ATN1: variants seen among roughly 807,000 people sequenced by gnomAD.
The protein encoded by ATN1 is atrophin-1.
A neutral mutation model predicts 85.8 loss-of-function variants in ATN1; 19 were observed. The observed-to-expected ratio is 0.22, with a 90% confidence interval of 0.15 to 0.32. ATN1 has a LOEUF of 0.32. ATN1 is among the 10% of genes least tolerant of loss of function. ATN1 has a pLI of 1.00. For synonymous variants in ATN1, 674 were observed against 657.0 expected (o/e 1.03, Z -0.39); for missense variants, 1,453 against 1,564.5 (o/e 0.93, Z 1.20).
rs1297715782 is a variant in ATN1, at chr12:6,934,813, T to G, written c.279+235T>G. The stretch of plus-strand genomic sequence containing the variant: ...CCAGAAGAGTTGGGGGATTCTAGTC[T>G]CTGGGTGAGAAGTCTTAGTCGGAGG... On this transcript the variant is annotated intron_variant, in intron 4 of 9. Transcript: ENST00000396684. This position sits in a 1 kb window ranked among gnomAD's most constrained non-coding sequence, Gnocchi z 4.5. 1.3e-5 allele frequency among the ~76,000 whole-genome samples: 2 copies of G among 152,214 alleles called. No individual in the cohort carries two copies. Among genetic ancestry groups the G allele is most frequent in the Non-Finnish European group, 2.9e-5 (2 of 68,036 alleles).
chr12:6,941,798 G>A lies in ATN1; in HGVS notation c.*18G>A, dbSNP rs782816055. ...CACTGTAGAACCTGCGATCAAGAGAGCACCATGGCTCCTACATTGGACCTT... is the reference window on the plus strand; with the variant it reads ...CACTGTAGAACCTGCGATCAAGAGAACACCATGGCTCCTACATTGGACCTT... On this transcript the variant is annotated 3_prime_UTR_variant, in exon 10 of 10. Transcript: ENST00000396684. The surrounding 1 kb of genome is among the most constrained non-coding windows in gnomAD (Gnocchi z 5.9). The A allele has an allele frequency of 8.7e-6, 14 of 1,613,630 alleles. 1 individual carries two copies. In the South Asian group the frequency reaches 1.5e-4, roughly 18 times the overall value.
In ATN1 at chr12:6,936,394, C is replaced by T; in HGVS notation, c.1127C>T (p.Ser376Leu). The change falls in exon 5 of 10, where the codon TCA (serine) becomes TTA (leucine). Residue 376 changes from serine to leucine, a missense_variant. By Grantham distance (145) the Ser-to-Leu change is moderately radical (BLOSUM62 -2). Around this residue, in one of 6 missense-constraint regions of ATN1, gnomAD observed 990 missense variants for 914.8 expected, o/e 1.08. Coordinates refer to ENST00000396684, the MANE Select transcript of ATN1 (RefSeq NM_001940.4). ...GCGCCCCCCATGAGGTTTCCTTATT[C>T]ATCCTCTAGTAGTAGCTCTGCAGCA... Reference protein sequence around the residue: ...APAPPMRFPYSSSSSSSAAAS... With the variant: ...APAPPMRFPYLSSSSSSAAAS... 1 of 1,613,766 alleles carries T rather than the reference C, an allele frequency of 6.2e-7. No individual in the cohort carries two copies. The highest frequency in any genetic ancestry group is 8.5e-7 in the Non-Finnish European group (1 of 1,179,918).
Position 6,936,418 on chromosome 12 carries a change from CA to C in ATN1, c.1152del (p.Ala385ProfsTer68). On this transcript the variant is annotated frameshift_variant, in exon 5 of 10. Transcript: ENST00000396684. LOFTEE classifies it high-confidence loss of function. ...TCATCCTCTAGTAGTAGCTCTGCAG[CA>C]GCCTCCTCTTCCAGTTCTTCCTCCT... ...PYSSSSSSSA[A>X]ASSSSSSSSS... is the part of the protein sequence containing the mutation. The C allele has an allele frequency of 1.2e-6, 2 of 1,613,292 alleles. No homozygotes were observed. Among genetic ancestry groups the C allele is most frequent in the Non-Finnish European group, 1.7e-6 (2 of 1,179,886 alleles).
intron 7 of ATN1, among the ~76,000 whole-genome samples, chr12:6,940,089 C>T (rs1299686284): frequency 6.6e-6 from 1 of 152,130 alleles, no homozygotes; most frequent in African/African-American, 2.4e-5. Flanking sequence ...TCAAGTGATT[C>T]TTCTGCCTCA....
chr12:6,940,375 C>T (rs1243268290), intron 7 of ATN1, among the ~76,000 whole-genome samples: 2 of 152,168 alleles, frequency 1.3e-5, no homozygotes, highest in Non-Finnish European at 2.9e-5. Context: ...AAGCGATTCT[C>T]CTGCCTCAGC....
intron 1 of ATN1, among the ~76,000 whole-genome samples, chr12:6,932,200 G>A (rs1306925430): frequency 2.0e-5 from 3 of 152,136 alleles, no homozygotes; most frequent in Admixed American, 6.5e-5. Flanking sequence ...GTATGGTTCC[G>A]TGGAGGTGAG....
rs369375027 is a variant in ATN1 at position 6,941,594 on chromosome 12, C to G, written c.3539+40C>G. The G allele has an allele frequency of 6.2e-7, 1 of 1,609,020 alleles. No homozygotes were observed. Among genetic ancestry groups the G allele is most frequent in the East Asian group, 2.2e-5 (1 of 44,862 alleles). On this transcript the variant is annotated intron_variant, in intron 9 of 9. Transcript: ENST00000396684. This position sits in a 1 kb window ranked among gnomAD's most constrained non-coding sequence, Gnocchi z 5.9. ...CCCAGCCCAGGGGACATGGGCTCAG[C>G]GAGCCTGGGAGGAGCTGTGGGCATG...
In ATN1 at chr12:6,934,976, C is replaced by T. The variant is rs993483978; in HGVS notation, c.279+398C>T. Reference sequence around the variant, plus strand: ...CACAATCTCAGCTCATTGCAACCTCCGCCTCCTGGGTTCAAACAATTGTGC... The same window carrying T: ...CACAATCTCAGCTCATTGCAACCTCTGCCTCCTGGGTTCAAACAATTGTGC... On this transcript the variant is annotated intron_variant, in intron 4 of 9. Transcript: ENST00000396684. The surrounding 1 kb of genome is among the most constrained non-coding windows in gnomAD (Gnocchi z 4.5). Among the ~76,000 whole-genome samples, 2 of 152,140 alleles carry T rather than the reference C, an allele frequency of 1.3e-5. No homozygotes were observed. The highest frequency in any genetic ancestry group is 2.9e-5 in the Non-Finnish European group (2 of 68,030).
rs781930389 is a variant in ATN1 at position 6,936,555 on chromosome 12, C to T, written c.1288C>T (p.Pro430Ser). 1 of 1,610,626 alleles carries T rather than the reference C, an allele frequency of 6.2e-7. No homozygotes were observed. The highest frequency in any genetic ancestry group is 8.5e-7 in the Non-Finnish European group (1 of 1,179,512). Residue 430 changes from proline to serine, a missense_variant, in exon 5 of 10, where the codon CCT becomes TCT. Coordinates refer to ENST00000396684, the MANE Select transcript of ATN1 (RefSeq NM_001940.4). ...CAATCAGCCCCCCAAGTATACTCAGCCTTCTCTCCCATCCCAGGCTGTGTG... is the reference window on the plus strand; with the variant it reads ...CAATCAGCCCCCCAAGTATACTCAGTCTTCTCTCCCATCCCAGGCTGTGTG... The part of the protein sequence containing the change: ...VSNQPPKYTQ[P>S]SLPSQAVWSQ...
intron 1 of ATN1, among the ~76,000 whole-genome samples, chr12:6,932,634 T>G (rs782448712): frequency 6.6e-6 from 1 of 152,216 alleles, no homozygotes; most frequent in African/African-American, 2.4e-5. Flanking sequence ...AGTAGGAGGA[T>G]AGGCTTAAAA....
In ATN1 at chr12:6,934,732, G is replaced by A. The variant is rs1232999137; in HGVS notation, c.279+154G>A. 6.6e-6 allele frequency among the ~76,000 whole-genome samples: 1 copy of A among 152,204 alleles called. No homozygotes were observed. The highest frequency in any genetic ancestry group is 1.5e-5 in the Non-Finnish European group (1 of 68,048). On this transcript the variant is annotated intron_variant, in intron 4 of 9. Transcript: ENST00000396684. The surrounding 1 kb of genome is among the most constrained non-coding windows in gnomAD (Gnocchi z 4.5). ...GAGCAGTTCTGTCTATAATATGCCA[G>A]AGAGATTCTTAGAGCTTTGACAGAC...
At position 6,937,923 on chromosome 12, in the gene ATN1, G is replaced by C. The variant is rs782470103; in HGVS notation, c.2373G>C (p.Lys791Asn). 10 of 1,595,026 alleles carry C rather than the reference G, an allele frequency of 6.3e-6. No homozygotes were observed. The highest frequency in any genetic ancestry group is 8.5e-6 in the Non-Finnish European group (10 of 1,171,420). ...DLYFVPLEGS[K>N]LAKKRADLVE... ...ACTTCGTGCCACTGGAGGGCTCCAAGCTGGCCAAGAAGCGGGCCGACCTGG... is the reference window on the plus strand; with the variant it reads ...ACTTCGTGCCACTGGAGGGCTCCAACCTGGCCAAGAAGCGGGCCGACCTGG... The change falls in exon 6 of 10, where the codon AAG (lysine) becomes AAC (asparagine). Residue 791 changes from lysine (K) to asparagine (N), a missense_variant. This residue lies in a region of ATN1 where 990 missense variants were observed against 914.8 expected (regional missense o/e 1.08). Transcript: ENST00000396684. The surrounding 1 kb of genome is among the most constrained non-coding windows in gnomAD (Gnocchi z 6.0).
chr12:6,927,947 G>C (rs1555142754), upstream of ATN1, among the ~76,000 whole-genome samples: 1 of 150,230 alleles, frequency 6.7e-6, no homozygotes, highest in Non-Finnish European at 1.5e-5. Flanking sequence ...CCGGGGAAGG[G>C]GCGGGGGCCG....
chr12:6,930,191 C>T (rs1555142935), intron 1 of ATN1, among the ~76,000 whole-genome samples: 3 of 152,196 alleles, frequency 2.0e-5, no homozygotes, highest in African/African-American at 7.2e-5. Flanking sequence ...TCTGAGGCCT[C>T]TCTGAAGGTC....
chr12:6,940,434 T>G lies in ATN1; in HGVS notation c.3215-446T>G, dbSNP rs782268141. On this transcript the variant is annotated intron_variant, in intron 7 of 9. Transcript: ENST00000396684. ...GCGTGTGCCACCCTGCCTGGCTAATTTTTTTGTATTTTTTGTAGAAACAGG... is the reference window on the plus strand; with the variant it reads ...GCGTGTGCCACCCTGCCTGGCTAATGTTTTTGTATTTTTTGTAGAAACAGG... 1.0e-3 allele frequency among the ~76,000 whole-genome samples: 156 copies of G among 152,020 alleles called. 1 individual carries two copies. Among genetic ancestry groups the G allele is most frequent in the Non-Finnish European group, 1.4e-3 (97 of 67,992 alleles).
At position 6,935,438 on chromosome 12, in the gene ATN1, C is replaced by A; in HGVS notation, c.280-109C>A. 7.9e-7 allele frequency: 1 copy of A among 1,262,298 alleles called. No individual in the cohort carries two copies. The highest frequency in any genetic ancestry group is 1.1e-6 in the Non-Finnish European group (1 of 924,782). The allele number at this position is 1,262,298 out of a possible 1,614,324, so 78.2% of individuals were successfully genotyped here. A position where few individuals can be genotyped will look rare whatever the true frequency, so the allele number is the denominator to read the frequency against. Reference sequence around the variant, plus strand: ...GCTTGAGCAAGAGTACTCACCACATCACAGTACAACAGTGTGCTGTGAGGG... The same window carrying A: ...GCTTGAGCAAGAGTACTCACCACATAACAGTACAACAGTGTGCTGTGAGGG... On this transcript the variant is annotated intron_variant, in intron 4 of 9. Transcript: ENST00000396684. The surrounding 1 kb of genome is among the most constrained non-coding windows in gnomAD (Gnocchi z 5.3).
At chr12:6,926,820 C>T (rs1555142611), upstream of ATN1, among the ~76,000 whole-genome samples, 1 of 152,094 alleles carries the variant, frequency 6.6e-6, no homozygotes, top group East Asian at 1.9e-4. Flanking sequence ...CATACTGCCG[C>T]CAGCCATAGG....
intron 1 of ATN1, among the ~76,000 whole-genome samples, chr12:6,930,987 T>C (rs1945455122): frequency 1.3e-5 from 2 of 152,124 alleles, no homozygotes; most frequent in African/African-American, 2.4e-5. Context: ...CCCTAACTCC[T>C]TTCCTCGTCT....
At chr12:6,939,213 G>T (rs895410280) in intron 7 of ATN1, 36 bp downstream of exon 7, 13 of 1,556,368 alleles carry the variant, frequency 8.4e-6, no homozygotes, top group Non-Finnish European at 1.1e-5. Context: ...GCCCTTTGGG[G>T]CCACCTTCCC....
Sources: gnomAD v4.1 joint callset for allele counts (sites outside exome capture counted in the v4.1 genomes callset) on GRCh38, gnomAD v4.1.1 for gene constraint, gnomAD v4.1.1 regional missense constraint, Gnocchi (gnomAD v3.1) non-coding constraint, MANE v1.5 for transcripts, NCBI Gene and HGNC (gene_info 2026-07-23, HGNC 2026-07-21) for gene names.